Variants in CCDC148 observed in about 807,000 individuals in gnomAD.
The protein encoded by CCDC148 is coiled-coil domain-containing protein 148.
In CCDC148, 89 loss-of-function variants were observed where a neutral mutation model predicts 85.7. That is an observed-to-expected ratio of 1.04 (90% confidence interval 0.87 to 1.24). The LOEUF (loss-of-function observed/expected upper bound fraction) is 1.24. CCDC148 is among the 50% of genes most tolerant of loss of function. The pLI is 0.00. For missense variants in CCDC148, 692 were observed against 671.7 expected (o/e 1.03, Z -0.33); for synonymous variants, 230 against 213.9 (o/e 1.08, Z -0.66).
intron 9 of CCDC148, 61 bp from the exon 10 acceptor site, chr2:158,250,973 C>T: frequency 6.9e-7 from 1 of 1,454,390 alleles, no homozygotes; most frequent in Non-Finnish European, 9.3e-7. Context: ...TTTCATAGGT[C>T]ATAATAAGAC....
At chr2:158,430,043 G>A (rs1687268688) in intron 1 of CCDC148, among the ~76,000 whole-genome samples, 1 of 152,198 alleles carries the variant, frequency 6.6e-6, no homozygotes, top group African/African-American at 2.4e-5. Context: ...CTCTTCTTGA[G>A]TCTTTGCTGA....
intron 1 of CCDC148, among the ~76,000 whole-genome samples, chr2:158,389,030 A>T (rs75762069): frequency 0.058 from 8,767 of 152,238 alleles, 481 homozygotes; most frequent in African/African-American, 0.14. Context: ...CACTGTCACA[A>T]AGGTAACTCT....
At position 158,220,720 on chromosome 2, in the gene CCDC148, T is replaced by A; in HGVS notation, c.1252-7A>T. On this transcript the variant is annotated splice_region_variant and splice_polypyrimidine_tract_variant and intron_variant, in intron 10 of 13. Coordinates refer to ENST00000283233, the MANE Select transcript of CCDC148 (RefSeq NM_138803.4). ...TGGCCCAGTATTTTTTTATCTATTG[T>A]ATAAATGTTACATAAAATTTAAATT... 6.5e-7 allele frequency: 1 copy of A among 1,543,814 alleles called. No individual in the cohort carries two copies. Among genetic ancestry groups the A allele is most frequent in the Non-Finnish European group, 8.7e-7 (1 of 1,145,108 alleles).
At chr2:158,353,773 CATTT>C (rs887304880) in intron 2 of CCDC148, among the ~76,000 whole-genome samples, 2 of 152,176 alleles carry the variant, frequency 1.3e-5, no homozygotes, top group African/African-American at 4.8e-5. Context: ...ACAGAATATA[CATTT>C]TTTTCAGCAC....
At chr2:158,407,565 G>C (rs1262996384) in intron 1 of CCDC148, among the ~76,000 whole-genome samples, 1 of 152,138 alleles carries the variant, frequency 6.6e-6, no homozygotes, top group African/African-American at 2.4e-5. Context: ...ACTGGAAAGA[G>C]AGGTATATAC....
At chr2:158,402,597 T>C (rs982832228) in intron 1 of CCDC148, among the ~76,000 whole-genome samples, 18 of 152,204 alleles carry the variant, frequency 1.2e-4, no homozygotes, top group African/African-American at 4.3e-4. Context: ...TAATGTGGTA[T>C]ACTTCCATAA....
intron 1 of CCDC148, among the ~76,000 whole-genome samples, chr2:158,412,863 T>TTATTAA (rs1174767240): frequency 7.2e-6 from 1 of 139,808 alleles, no homozygotes; most frequent in Non-Finnish European, 1.6e-5. Flanking sequence ...ATTATTATTA[T>TTATTAA]TATTATACTT....
chr2:158,248,401 C>A (rs2105139320), intron 10 of CCDC148, among the ~76,000 whole-genome samples: 1 of 152,100 alleles, frequency 6.6e-6, no homozygotes, highest in South Asian at 2.1e-4. Flanking sequence ...TCATATCAAT[C>A]TCTATTTTAA....
rs1684596845 is a variant in CCDC148, at chr2:158,176,534, T to C, written c.1616A>G (p.Tyr539Cys). 1.9e-6 allele frequency: 3 copies of C among 1,611,574 alleles called. No homozygotes were observed. The highest frequency in any genetic ancestry group is 2.5e-6 in the Non-Finnish European group (3 of 1,178,454). Residue 539 changes from tyrosine to cysteine, a missense_variant, in exon 13 of 14, where the codon TAC (tyrosine) becomes TGC (cysteine). By Grantham distance (194) the Tyr-to-Cys change is radical (BLOSUM62 -2). Coordinates refer to ENST00000283233, the MANE Select transcript of CCDC148 (RefSeq NM_138803.4). ...TTCCATAATTACCTGCTGTTCATTG[T>C]ATGTATTCAATGTGAAGAGTGGCTT... Reference protein sequence around the residue: ...LQKPLFTLNTYNEQQIISDPR... With the variant: ...LQKPLFTLNTCNEQQIISDPR...
Position 158,333,698 on chromosome 2 carries a change from C to G in CCDC148, c.764+5028G>C, listed in dbSNP as rs536356671. Among the ~76,000 whole-genome samples, 73 of 152,136 alleles carry G rather than the reference C, an allele frequency of 4.8e-4. 1 individual carries two copies. Among genetic ancestry groups the G allele is most frequent in the Middle Eastern group, 6.8e-3 (2 of 294 alleles). On this transcript the variant is annotated intron_variant, in intron 7 of 13. Coordinates refer to ENST00000283233, the MANE Select transcript of CCDC148 (RefSeq NM_138803.4). ...GAACATGCTTTAGGATCTGGGTGCT[C>G]CTGTATTGGGTGCATATATATTTAG...
At chr2:158,279,834 C>G (rs1198087831) in intron 9 of CCDC148, among the ~76,000 whole-genome samples, 21 of 151,600 alleles carry the variant, frequency 1.4e-4, no homozygotes, top group African/African-American at 5.1e-4. Context: ...TCAGATTCAC[C>G]AAAGTTGAAA....
chr2:158,426,887 G>T (rs940222682), intron 1 of CCDC148, among the ~76,000 whole-genome samples: 1 of 152,110 alleles, frequency 6.6e-6, no homozygotes, highest in Admixed American at 6.6e-5. Flanking sequence ...TATTGCAAAG[G>T]ATTCTGCTTA....
At chr2:158,411,213 A>G (rs1289092684) in intron 1 of CCDC148, among the ~76,000 whole-genome samples, 2 of 152,052 alleles carry the variant, frequency 1.3e-5, no homozygotes, top group African/African-American at 2.4e-5. Context: ...TAAAATCTGG[A>G]CATCTATTTC....
chr2:158,309,355 A>T, intron 9 of CCDC148, 78 bp downstream of exon 9: 1 of 1,205,864 alleles, frequency 8.3e-7, no homozygotes, highest in Non-Finnish European at 1.2e-6. Context: ...ACTGAACTTT[A>T]GGTTGAGTTT....
intron 1 of CCDC148, among the ~76,000 whole-genome samples, chr2:158,455,144 T>C (rs996786220): frequency 6.6e-6 from 1 of 152,208 alleles, no homozygotes; most frequent in East Asian, 1.9e-4. Flanking sequence ...GTGTCTCATA[T>C]AACAATTTGT....
At chr2:158,321,890 C>G (rs763784818) in intron 7 of CCDC148, among the ~76,000 whole-genome samples, 1 of 152,054 alleles carries the variant, frequency 6.6e-6, no homozygotes, top group Non-Finnish European at 1.5e-5. Flanking sequence ...TTTGGCAAAA[C>G]TTTCACATAA....
intron 11 of CCDC148, among the ~76,000 whole-genome samples, chr2:158,217,765 G>A (rs1266717709): frequency 1.3e-5 from 2 of 152,064 alleles, no homozygotes; most frequent in African/African-American, 2.4e-5. Flanking sequence ...AGTAAATGAC[G>A]GAAGTTTTCA....
chr2:158,423,300 T>C (rs1374990600), intron 1 of CCDC148, among the ~76,000 whole-genome samples: 2 of 152,168 alleles, frequency 1.3e-5, no homozygotes, highest in African/African-American at 4.8e-5. Context: ...AGAACAAAGC[T>C]GGAGGCATCA....
At chr2:158,351,732 A>C (rs976348614) in intron 2 of CCDC148, among the ~76,000 whole-genome samples, 16 of 152,132 alleles carry the variant, frequency 1.1e-4, no homozygotes, top group Non-Finnish European at 1.9e-4. Flanking sequence ...CCACAGCTCA[A>C]GGAGGCCTGC....
Sources: gnomAD v4.1 joint callset for allele counts (sites outside exome capture counted in the v4.1 genomes callset) on GRCh38, gnomAD v4.1.1 for gene constraint, MANE v1.5 for transcripts, NCBI Gene and HGNC (gene_info 2026-07-23, HGNC 2026-07-21) for gene names.